The following HOMER1 variants were observed in gnomAD, a reference collection of about 807,000 sequenced individuals.
HOMER1 encodes homer scaffold protein 1.
A neutral mutation model predicts 48.9 loss-of-function variants in HOMER1; 3 were observed. The ratio of observed to expected loss-of-function variants is 0.06; its 90% CI spans 0.03 to 0.16. The LOEUF (loss-of-function observed/expected upper bound fraction) is 0.16, where lower values mean the gene tolerates loss of function less well. Among genes scored for constraint, HOMER1 ranks in the 10% least tolerant of loss-of-function variants. HOMER1 has a pLI of 1.00. For missense variants in HOMER1, 247 were observed against 411.4 expected (o/e 0.60, Z 3.46); for synonymous variants, 134 against 146.4 (o/e 0.92, Z 0.61).
chr5:79,382,495 A>T (rs1317601432), intron 8 of HOMER1, among the ~76,000 whole-genome samples: 20 of 152,212 alleles, frequency 1.3e-4, no homozygotes, highest in African/African-American at 4.6e-4. Context: ...ATGGGGTGAT[A>T]TATTCATAGT....
chr5:79,503,534 GA>G (rs751672080), intron 1 of HOMER1, among the ~76,000 whole-genome samples: 746 of 17,354 alleles, frequency 0.043, 4 homozygotes, highest in South Asian at 0.086. Flanking sequence ...GTCACAAAGA[GA>G]AAAAAAAAAA....
At chr5:79,405,018 T>C (rs1749628962) in intron 5 of HOMER1, among the ~76,000 whole-genome samples, 1 of 152,136 alleles carries the variant, frequency 6.6e-6, no homozygotes, top group East Asian at 1.9e-4. Context: ...CCTGATTGCC[T>C]CTTCGATTCT....
At chr5:79,421,892 C>A (rs1400844440) in intron 5 of HOMER1, among the ~76,000 whole-genome samples, 2 of 152,064 alleles carry the variant, frequency 1.3e-5, no homozygotes, top group Non-Finnish European at 2.9e-5. Context: ...CAGGCATGAA[C>A]CATCGGGCCT....
Position 79,375,183 on chromosome 5 carries a change from G to A in HOMER1, c.*826C>T, listed in dbSNP as rs140969870. 6 of 152,052 alleles carry A rather than the reference G, an allele frequency of 3.9e-5. No homozygotes were observed. Among genetic ancestry groups the A allele is most frequent in the Non-Finnish European group, 7.4e-5 (5 of 67,914 alleles). The allele number at this position is 152,052 out of a possible 1,614,324, so 9.4% of individuals were successfully genotyped here. ...TTGCTAGACCAGCCTGTCAATGACG[G>A]GCTGCTGTATTTCAGTACTGTGTGT... On this transcript the variant is annotated 3_prime_UTR_variant, in exon 9 of 9. Transcript: ENST00000334082.
chr5:79,443,613 T>C (rs944743905), intron 4 of HOMER1, among the ~76,000 whole-genome samples: 1 of 152,212 alleles, frequency 6.6e-6, no homozygotes, highest in African/African-American at 2.4e-5. Flanking sequence ...TACAACCACA[T>C]CAGTTGTTAA....
At chr5:79,403,805 A>G (rs775149760) in intron 5 of HOMER1, among the ~76,000 whole-genome samples, 10 of 152,198 alleles carry the variant, frequency 6.6e-5, no homozygotes, top group Admixed American at 2.6e-4. Context: ...TGATTTTTCT[A>G]TAAGTCTAAA....
chr5:79,388,825 GAA>G (rs1394117969), intron 8 of HOMER1, among the ~76,000 whole-genome samples: 1 of 151,910 alleles, frequency 6.6e-6, no homozygotes. Flanking sequence ...AAAGAAAACA[GAA>G]AGAGGTTGCA....
intron 1 of HOMER1, among the ~76,000 whole-genome samples, chr5:79,465,252 T>C (rs1174244541): frequency 6.6e-6 from 1 of 152,050 alleles, no homozygotes; most frequent in East Asian, 1.9e-4. Flanking sequence ...GGAGGATCAT[T>C]TGAGCCCAGG....
chr5:79,487,587 G>C (rs968192856), intron 1 of HOMER1, among the ~76,000 whole-genome samples: 1 of 152,232 alleles, frequency 6.6e-6, no homozygotes, highest in African/African-American at 2.4e-5. Flanking sequence ...AATTCTACAG[G>C]ACAAATTGGG....
intron 1 of HOMER1, among the ~76,000 whole-genome samples, chr5:79,484,014 C>G (rs1410715085): frequency 7.2e-6 from 1 of 137,932 alleles, no homozygotes; most frequent in African/African-American, 2.8e-5. Flanking sequence ...CCACTGCACT[C>G]CAGCCTGGGC....
chr5:79,411,139 C>A (rs115972784), intron 5 of HOMER1, among the ~76,000 whole-genome samples: 357 of 152,268 alleles, frequency 2.3e-3, no homozygotes, highest in African/African-American at 8.3e-3. Context: ...ACTTCAAAAA[C>A]ACCATTTGAA....
At chr5:79,487,431 T>C (rs1489685330) in intron 1 of HOMER1, among the ~76,000 whole-genome samples, 6 of 152,106 alleles carry the variant, frequency 3.9e-5, no homozygotes, top group Non-Finnish European at 7.4e-5. Context: ...GCAAGAAGCA[T>C]ACCACACCAC....
At chr5:79,466,723 T>C (rs1022215617) in intron 1 of HOMER1, among the ~76,000 whole-genome samples, 3 of 152,156 alleles carry the variant, frequency 2.0e-5, no homozygotes, top group Non-Finnish European at 2.9e-5. Context: ...ATTTGACCTA[T>C]TGCCAAATAG....
intron 1 of HOMER1, among the ~76,000 whole-genome samples, chr5:79,499,066 T>C (rs1752502497): frequency 6.6e-6 from 1 of 151,982 alleles, no homozygotes; most frequent in African/African-American, 2.4e-5. Flanking sequence ...GATCTCCTGA[T>C]CTTGTGATCT....
At chr5:79,378,661 A>C (rs921762457) in intron 8 of HOMER1, among the ~76,000 whole-genome samples, 24 of 152,126 alleles carry the variant, frequency 1.6e-4, no homozygotes, top group Admixed American at 3.3e-4. Context: ...TAAGGGTACA[A>C]TGTTTCCAAC....
chr5:79,437,431 A>G (rs1166544455), intron 5 of HOMER1, among the ~76,000 whole-genome samples: 2 of 152,216 alleles, frequency 1.3e-5, no homozygotes, highest in East Asian at 3.8e-4. Context: ...TTGTAACTGC[A>G]TATTTTAAAA....
At chr5:79,419,448 T>C (rs1200682647) in intron 5 of HOMER1, among the ~76,000 whole-genome samples, 2 of 152,112 alleles carry the variant, frequency 1.3e-5, no homozygotes, top group African/African-American at 2.4e-5. Flanking sequence ...GCTTTTATCA[T>C]ATACATTATG....
chr5:79,419,486 TAA>T (rs2112244724), intron 5 of HOMER1, among the ~76,000 whole-genome samples: 1 of 152,078 alleles, frequency 6.6e-6, no homozygotes, highest in Non-Finnish European at 1.5e-5. Flanking sequence ...ACTGCTTACG[TAA>T]AAGTTTTATG....
intron 8 of HOMER1, among the ~76,000 whole-genome samples, chr5:79,380,827 C>T (rs577973813): frequency 6.6e-6 from 1 of 152,280 alleles, no homozygotes; most frequent in Admixed American, 6.5e-5. Context: ...GCTACCACCA[C>T]AGCTGGCACC....
Sources: allele counts gnomAD v4.1 joint callset (sites outside exome capture counted in the v4.1 genomes callset), GRCh38; gene constraint gnomAD v4.1.1; transcripts MANE v1.5; gene names NCBI Gene and HGNC (gene_info 2026-07-23, HGNC 2026-07-21).